The following TACC2 variants were observed in gnomAD, a reference collection of about 807,000 sequenced individuals.
TACC2 encodes the protein transforming acidic coiled-coil-containing protein 2.
In TACC2, 137 loss-of-function variants were observed where a neutral mutation model predicts 227.3. That is an observed-to-expected ratio of 0.60 (90% CI 0.52 to 0.69). The LOEUF is 0.69. Ranked by LOEUF, TACC2 falls within the 30% of genes least tolerant of loss-of-function variation. The pLI, the probability that TACC2 is intolerant of heterozygous loss-of-function variation, is 0.00. For synonymous variants in TACC2, 1,523 were observed against 1,487.5 expected (o/e 1.02, Z -0.55); for missense variants, 3,470 against 3,694.4 (o/e 0.94, Z 1.57).
At position 122,187,734 on chromosome 10, in the gene TACC2, G is replaced by A. The variant is rs759514751; in HGVS notation, c.5835-7306G>A. Among the ~76,000 whole-genome samples, 4 of 152,060 alleles carry A rather than the reference G, an allele frequency of 2.6e-5. No individual in the cohort carries two copies. In the South Asian group the frequency reaches 6.2e-4, roughly 24 times the overall value. On this transcript the variant is annotated intron_variant, in intron 7 of 22. Coordinates refer to ENST00000369005, the MANE Select transcript of TACC2 (RefSeq NM_206862.4). Reference sequence around the variant, plus strand: ...TGGAACTCCTGATCTCAGGTAATTCGTCCCACCTCGGGCTTCCAAAGTGCT... The same window carrying A: ...TGGAACTCCTGATCTCAGGTAATTCATCCCACCTCGGGCTTCCAAAGTGCT...
chr10:122,237,648 C>A, intron 17 of TACC2, 110 bp downstream of exon 17: 1 of 1,351,010 alleles, frequency 7.4e-7, no homozygotes, highest in Non-Finnish European at 1.0e-6. Flanking sequence ...CTGAACGCTG[C>A]AGGCAAAGAT....
chr10:122,017,046 T>C (rs1956735721), intron 1 of TACC2, among the ~76,000 whole-genome samples: 1 of 150,806 alleles, frequency 6.6e-6, no homozygotes. Context: ...AAAACCTTGA[T>C]CTCGAACGTC....
chr10:122,201,388 C>T (rs1478720908), intron 8 of TACC2, among the ~76,000 whole-genome samples: 8 of 150,230 alleles, frequency 5.3e-5, no homozygotes, highest in African/African-American at 9.8e-5. Flanking sequence ...ATGGGGAGGA[C>T]GGCCACCTCA....
rs2095884290 is a variant in TACC2, at chr10:122,237,678, T to G, written c.8271+140T>G. ...AAAGATGTGTGGCACACCATGCGTT[T>G]TGATCTTCCTAGACGCTATCGTGTA... On this transcript the variant is annotated intron_variant, in intron 17 of 22. Transcript: ENST00000369005. The G allele has an allele frequency of 6.2e-6, 7 of 1,120,830 alleles. No individual in the cohort carries two copies. In the South Asian group the frequency reaches 9.8e-5, roughly 16 times the overall value. 69.4% of individuals were successfully genotyped at this position (1,120,830 alleles called of 1,614,324 possible). A position where few individuals can be genotyped will look rare whatever the true frequency, so the allele number is the denominator to read the frequency against.
At chr10:122,233,824 GC>G (rs777091968) in intron 16 of TACC2, among the ~76,000 whole-genome samples, 16 of 152,212 alleles carry the variant, frequency 1.1e-4, no homozygotes, top group Non-Finnish European at 2.1e-4. Flanking sequence ...TGCCAGTGGT[GC>G]CACCTGTGGG....
At chr10:122,089,421 G>A (rs564012204) in intron 5 of TACC2, among the ~76,000 whole-genome samples, 1 of 152,210 alleles carries the variant, frequency 6.6e-6, no homozygotes, top group Non-Finnish European at 1.5e-5. Context: ...AGGAGATCTC[G>A]AGATTCAAGG....
Position 122,210,814 on chromosome 10 carries a change from C to T in TACC2, c.6389C>T (p.Pro2130Leu), listed in dbSNP as rs749489269. Residue 2130 changes from proline to leucine, a missense_variant, in exon 9 of 23, where the codon CCG becomes CTG. By Grantham distance (98) the Pro-to-Leu change is moderately conservative. Around this residue, in one of 10 missense-constraint regions of TACC2, gnomAD observed 593 missense variants for 636.6 expected, o/e 0.93. Coordinates refer to ENST00000369005, the MANE Select transcript of TACC2 (RefSeq NM_206862.4). This position sits in a 1 kb window ranked among gnomAD's most constrained non-coding sequence, Gnocchi z 4.6. ...AGTACCCTTAAGCGAACTAAAAAAC[C>T]GAGGCCGCCTTCCTTAAAAAAGAAA... is the stretch of plus-strand genomic sequence containing the variant. ...ASSTLKRTKK[P>L]RPPSLKKKQT... 32 of 1,612,242 alleles carry T rather than the reference C, an allele frequency of 2.0e-5. No individual in the cohort carries two copies. The East Asian group carries it at 3.1e-4, about 16-fold the overall frequency.
chr10:122,124,060 C>T (rs1358323530), intron 5 of TACC2, among the ~76,000 whole-genome samples: 1 of 152,112 alleles, frequency 6.6e-6, no homozygotes, highest in Non-Finnish European at 1.5e-5. Context: ...GATCTGCCCG[C>T]CACGGCCTCC....
chr10:122,155,172 C>A (rs954430030), intron 7 of TACC2, among the ~76,000 whole-genome samples: 1 of 152,234 alleles, frequency 6.6e-6, no homozygotes, highest in Admixed American at 6.5e-5. Flanking sequence ...CACCACCGGG[C>A]CACTGAGGGG....
At chr10:122,047,596 C>T (rs892767838) in intron 2 of TACC2, among the ~76,000 whole-genome samples, 6 of 152,336 alleles carry the variant, frequency 3.9e-5, no homozygotes, top group Admixed American at 1.3e-4. Flanking sequence ...CAAACAGAGA[C>T]GCCCTGTCCT....
At chr10:122,196,933 C>CAA (rs58473562) in intron 8 of TACC2, among the ~76,000 whole-genome samples, 4,289 of 77,916 alleles carry the variant, frequency 0.055, 228 homozygotes, top group East Asian at 0.19. Context: ...GAGTCCGTCT[C>CAA]AAAAAAAAAA....
intron 19 of TACC2, among the ~76,000 whole-genome samples, chr10:122,243,855 G>T (rs1424039375): frequency 6.6e-6 from 1 of 152,154 alleles, no homozygotes; most frequent in Non-Finnish European, 1.5e-5. Flanking sequence ...GTTGAAATGC[G>T]GGGGAAAGGG....
At chr10:122,036,160 C>G (rs1960250656) in intron 2 of TACC2, among the ~76,000 whole-genome samples, 1 of 151,824 alleles carries the variant, frequency 6.6e-6, no homozygotes, top group Non-Finnish European at 1.5e-5. Flanking sequence ...AATGATATTC[C>G]ATTGTGTGTA....
intron 2 of TACC2, among the ~76,000 whole-genome samples, chr10:122,035,543 A>C (rs1042383986): frequency 6.6e-6 from 1 of 152,226 alleles, no homozygotes; most frequent in Admixed American, 6.5e-5. Flanking sequence ...CAAAAGACAC[A>C]TCATAAAATT....
chr10:122,010,590 G>A (rs1955801563), intron 1 of TACC2, among the ~76,000 whole-genome samples: 1 of 152,180 alleles, frequency 6.6e-6, no homozygotes, highest in Non-Finnish European at 1.5e-5. Flanking sequence ...CATAGACCAA[G>A]ACAACACTGG....
Position 122,205,662 on chromosome 10 carries a change from G to A in TACC2, c.5972-4735G>A, listed in dbSNP as rs1270065434. 6.6e-6 allele frequency among the ~76,000 whole-genome samples: 1 copy of A among 152,214 alleles called. No individual in the cohort carries two copies. The highest frequency in any genetic ancestry group is 1.5e-5 in the Non-Finnish European group (1 of 68,044). On this transcript the variant is annotated intron_variant, in intron 8 of 22. Transcript: ENST00000369005. This position sits in a 1 kb window ranked among gnomAD's most constrained non-coding sequence, Gnocchi z 4.5. ...GCACCTGTGGCACCTGTTACGATGGGGGCCCTGAGCCCCCACCCCAGCCCT... is the reference window on the plus strand; with the variant it reads ...GCACCTGTGGCACCTGTTACGATGGAGGCCCTGAGCCCCCACCCCAGCCCT...
chr10:122,213,309 C>T, intron 9 of TACC2: 1 of 1,606,252 alleles, frequency 6.2e-7, no homozygotes, highest in African/African-American at 1.3e-5. Flanking sequence ...TTCCTTCTGT[C>T]TGTCTCTCTT....
At chr10:122,183,902 G>C (rs2094074848) in intron 7 of TACC2, among the ~76,000 whole-genome samples, 1 of 152,202 alleles carries the variant, frequency 6.6e-6, no homozygotes, top group Non-Finnish European at 1.5e-5. Flanking sequence ...GAACCCAGGA[G>C]GACTTGAGCA....
intron 5 of TACC2, chr10:122,127,094 C>T (rs2087026807): frequency 6.0e-6 from 1 of 167,842 alleles, no homozygotes; most frequent in South Asian, 1.7e-4. Flanking sequence ...CCTCATGAGA[C>T]ACTGAACCTG....
Sources: gnomAD v4.1 joint callset for allele counts (sites outside exome capture counted in the v4.1 genomes callset) on GRCh38, gnomAD v4.1.1 for gene constraint, gnomAD v4.1.1 regional missense constraint, Gnocchi (gnomAD v3.1) non-coding constraint, MANE v1.5 for transcripts, NCBI Gene and HGNC (gene_info 2026-07-23, HGNC 2026-07-21) for gene names.